NREP: variants seen among roughly 807,000 people sequenced by gnomAD.
NREP encodes neuronal regeneration related protein, also known as neuronal regeneration-related protein.
NREP carries 5 observed loss-of-function variants against 8.6 expected under a neutral mutation model. The ratio of observed to expected loss-of-function variants is 0.58; its 90% CI spans 0.30 to 1.22. NREP has a LOEUF of 1.22. NREP is among the 50% of genes most tolerant of loss of function. The pLI is 0.07. For synonymous variants in NREP, 27 were observed against 28.0 expected, an observed-to-expected ratio of 0.96 and a Z score of 0.11; for missense variants, 86 against 82.5, an observed-to-expected ratio of 1.04 and a Z score of -0.17.
At chr5:111,937,347 A>T (rs565887775) in intron 2 of NREP, among the ~76,000 whole-genome samples, 1 of 152,258 alleles carries the variant, frequency 6.6e-6, no homozygotes, top group South Asian at 2.1e-4. Flanking sequence ...TTCAAGCATG[A>T]TTCACTAAAT....
intron 2 of NREP, among the ~76,000 whole-genome samples, chr5:111,968,847 AC>A (rs2112666732): frequency 6.6e-6 from 1 of 152,328 alleles, no homozygotes; most frequent in Non-Finnish European, 1.5e-5. Context: ...CCTGTTGTCT[AC>A]AAAACAAAGT....
At chr5:111,768,826 A>G (rs1193612942) in intron 2 of NREP, among the ~76,000 whole-genome samples, 1 of 152,190 alleles carries the variant, frequency 6.6e-6, no homozygotes, top group Non-Finnish European at 1.5e-5. Flanking sequence ...TTAACATACA[A>G]GTATATATAC....
chr5:111,947,955 C>T (rs2112628705), intron 2 of NREP, among the ~76,000 whole-genome samples: 1 of 152,178 alleles, frequency 6.6e-6, no homozygotes, highest in South Asian at 2.1e-4. Flanking sequence ...CTATATTCTA[C>T]ACCTGTAAAC....
At chr5:111,797,443 G>A (rs989954461) in intron 2 of NREP, among the ~76,000 whole-genome samples, 2 of 152,146 alleles carry the variant, frequency 1.3e-5, no homozygotes, top group Non-Finnish European at 2.9e-5. Context: ...GAAAAATTTG[G>A]AGCAAGAGCA....
chr5:111,733,189 G>A lies in NREP; in HGVS notation c.82-2143C>T, dbSNP rs560586984. 2.6e-5 allele frequency: 4 copies of A among 152,228 alleles called. No homozygotes were observed. In the East Asian group the frequency reaches 5.8e-4, roughly 22 times the overall value. 9.4% of individuals were successfully genotyped at this position (152,228 alleles called of 1,614,324 possible). ...ATTTTCTGAGTGCCTACTATGGCTG[G>A]AGTACTCTATTCGATTTCAAGCTTA... is the stretch of plus-strand genomic sequence containing the variant. On this transcript the variant is annotated intron_variant, in intron 3 of 3. Coordinates refer to ENST00000257435, the MANE Select transcript of NREP (RefSeq NM_004772.4).
upstream of NREP, chr5:111,757,672 T>G (rs1375454609): frequency 3.1e-6 from 3 of 983,276 alleles, no homozygotes; most frequent in African/African-American, 5.3e-5. Context: ...CCGTCCCCAC[T>G]GCACCGCGCG....
chr5:111,804,699 G>GAAAAAAAAA (rs58906379), intron 2 of NREP, among the ~76,000 whole-genome samples: 1 of 147,042 alleles, frequency 6.8e-6, no homozygotes. Context: ...GAGAATAAGA[G>GAAAAAAAAA]AAAAAAAAAA....
chr5:111,821,268 G>A (rs1368283176), intron 2 of NREP, among the ~76,000 whole-genome samples: 1 of 152,062 alleles, frequency 6.6e-6, no homozygotes, highest in Non-Finnish European at 1.5e-5. Flanking sequence ...TTAGGACTAT[G>A]AGGAATTATA....
chr5:111,745,586 A>C (rs1459549470), intron 2 of NREP, among the ~76,000 whole-genome samples: 1 of 152,156 alleles, frequency 6.6e-6, no homozygotes, highest in Non-Finnish European at 1.5e-5. Context: ...AATCTAATTC[A>C]GTATAGCTTT....
chr5:111,881,372 C>T (rs1754062603), intron 2 of NREP, among the ~76,000 whole-genome samples: 1 of 152,192 alleles, frequency 6.6e-6, no homozygotes, highest in Non-Finnish European at 1.5e-5. Context: ...GGCCTCCCTG[C>T]CTCTGTAGGC....
intron 2 of NREP, among the ~76,000 whole-genome samples, chr5:111,864,275 A>G (rs573283833): frequency 6.6e-6 from 1 of 152,280 alleles, no homozygotes; most frequent in Admixed American, 6.5e-5. Context: ...ACCCAATGAA[A>G]AGATGGAAAT....
At chr5:111,797,414 A>G (rs1331298411) in intron 2 of NREP, among the ~76,000 whole-genome samples, 1 of 152,226 alleles carries the variant, frequency 6.6e-6, no homozygotes, top group East Asian at 1.9e-4. Context: ...GGCTATATAT[A>G]TTAGAATCTA....
chr5:111,757,103 T>A, intron 1 of NREP, 33 bp downstream of exon 1: 1 of 677,876 alleles, frequency 1.5e-6, no homozygotes, highest in Non-Finnish European at 1.8e-6. Context: ...AAACCAGCGC[T>A]CCCAGCCGGG....
At chr5:111,922,402 C>A (rs1755268991) in intron 2 of NREP, among the ~76,000 whole-genome samples, 1 of 152,066 alleles carries the variant, frequency 6.6e-6, no homozygotes, top group African/African-American at 2.4e-5. Flanking sequence ...ACTGTTACTA[C>A]CTCAGAGGTC....
chr5:111,750,429 T>C (rs1036578598), intron 2 of NREP, among the ~76,000 whole-genome samples: 2 of 152,196 alleles, frequency 1.3e-5, no homozygotes, highest in African/African-American at 4.8e-5. Context: ...TGGAACACTG[T>C]ATTGAGGATT....
At chr5:111,758,851 A>G (rs1750887301), upstream of NREP, among the ~76,000 whole-genome samples, 1 of 152,250 alleles carries the variant, frequency 6.6e-6, no homozygotes, top group African/African-American at 2.4e-5. Context: ...TGCTGGGACT[A>G]TAGGTCACCT....
intron 2 of NREP, among the ~76,000 whole-genome samples, chr5:111,829,735 A>C (rs1018589743): frequency 6.6e-6 from 1 of 152,098 alleles, no homozygotes; most frequent in Non-Finnish European, 1.5e-5. Flanking sequence ...ATAATAGCCC[A>C]CTCACCCTGC....
chr5:111,879,552 G>C (rs1456990187), intron 2 of NREP, among the ~76,000 whole-genome samples: 1 of 152,114 alleles, frequency 6.6e-6, no homozygotes, highest in Non-Finnish European at 1.5e-5. Context: ...AATATCTTAA[G>C]TACAGGTACA....
At chr5:111,931,482 C>T (rs745918992) in intron 2 of NREP, among the ~76,000 whole-genome samples, 3 of 152,052 alleles carry the variant, frequency 2.0e-5, no homozygotes, top group African/African-American at 4.8e-5. Flanking sequence ...TACTGGAAGC[C>T]GACCTTCCAG....
Sources: allele counts gnomAD v4.1 joint callset (sites outside exome capture counted in the v4.1 genomes callset), GRCh38; gene constraint gnomAD v4.1.1; transcripts MANE v1.5; gene names NCBI Gene and HGNC (gene_info 2026-07-23, HGNC 2026-07-21).